Variants in VPS13B observed in about 807,000 individuals in gnomAD.
VPS13B encodes the protein intermembrane lipid transfer protein VPS13B.
VPS13B carries 285 observed loss-of-function variants against 426.4 expected under a neutral mutation model. The observed-to-expected ratio is 0.67, with a 90% confidence interval of 0.61 to 0.74. The LOEUF is 0.74. Among genes scored for constraint, VPS13B ranks in the 30% least tolerant of loss-of-function variants. The pLI, the probability that VPS13B is intolerant of heterozygous loss-of-function variation, is 0.00. For missense variants in VPS13B, 4,537 were observed against 4,782.6 expected (o/e 0.95, Z 1.51); for synonymous variants, 1,676 against 1,676.4 (o/e 1.00, Z 0.01).
intron 50 of VPS13B, among the ~76,000 whole-genome samples, chr8:99,823,216 G>A (rs1814479246): frequency 6.6e-6 from 1 of 152,142 alleles, no homozygotes; most frequent in Non-Finnish European, 1.5e-5. Context: ...TTACTTCTTT[G>A]TGCCTCACTT....
At chr8:99,324,854 A>G (rs1810159342) in intron 19 of VPS13B, among the ~76,000 whole-genome samples, 1 of 152,180 alleles carries the variant, frequency 6.6e-6, no homozygotes, top group Non-Finnish European at 1.5e-5. Flanking sequence ...ATCTAGTTAC[A>G]AAGATTATAT....
intron 36 of VPS13B, among the ~76,000 whole-genome samples, chr8:99,716,371 C>T (rs748450444): frequency 1.1e-4 from 17 of 151,980 alleles, no homozygotes; most frequent in African/African-American, 3.4e-4. Context: ...GCATTACAAA[C>T]GTGGTCTGGT....
rs754351909 is a variant in VPS13B, at chr8:99,103,077, T to C, written c.537T>C (p.Tyr179=). Residue 179 remains tyrosine, a synonymous_variant, in exon 5 of 62, where the codon TAT becomes TAC. Transcript: ENST00000357162. The part of the protein sequence containing the change: ...LSVNITSAEC[Y]TVGELWDRAF... ...TCAATATCACTTCTGCAGAATGTTA[T>C]ACAGTAGGTGAATTATGGGATCGTG... The C allele has an allele frequency of 1.2e-6, 2 of 1,614,078 alleles. No homozygotes were observed. Among genetic ancestry groups the C allele is most frequent in the South Asian group, 1.1e-5 (1 of 91,082 alleles).
At chr8:99,135,497 C>A in intron 10 of VPS13B, 99 bp from the exon 11 acceptor site, 3 of 1,441,194 alleles carry the variant, frequency 2.1e-6, no homozygotes, top group South Asian at 2.5e-5. Context: ...TTAGTGATTT[C>A]TTTTGACTAG....
intron 51 of VPS13B, among the ~76,000 whole-genome samples, chr8:99,828,431 T>TGC (rs1814852999): frequency 8.5e-6 from 1 of 117,062 alleles, no homozygotes; most frequent in Admixed American, 9.0e-5. Context: ...TTTTTTTTTT[T>TGC]TTTGCTTTCC....
chr8:99,465,061 A>G (rs1217765342), intron 23 of VPS13B, among the ~76,000 whole-genome samples: 1 of 152,204 alleles, frequency 6.6e-6, no homozygotes, highest in Non-Finnish European at 1.5e-5. Context: ...TTTCCAAGTA[A>G]AATAAAAATC....
At chr8:99,246,585 A>G (rs965735690) in intron 17 of VPS13B, among the ~76,000 whole-genome samples, 2 of 152,294 alleles carry the variant, frequency 1.3e-5, no homozygotes, top group African/African-American at 2.4e-5. Context: ...TTAGATTATG[A>G]GCTCTGATGC....
rs770439397 is a variant in VPS13B at position 99,642,436 on chromosome 8, G to A, written c.5846G>A (p.Arg1949Gln). Residue 1949 changes from arginine to glutamine, a missense_variant, in exon 34 of 62, where the codon CGA becomes CAA. Around this residue, in one of 2 missense-constraint regions of VPS13B, gnomAD observed 4,311 missense variants for 4,474.3 expected, o/e 0.96. Transcript: ENST00000357162. Reference sequence around the variant, plus strand: ...CTGAGTTGTCACCACAGAAAGCAGCGAGTGGAAGTATCCATTTTTGATGCT... The same window carrying A: ...CTGAGTTGTCACCACAGAAAGCAGCAAGTGGAAGTATCCATTTTTGATGCT... Reference protein sequence around the residue: ...LLLSCHHRKQRVEVSIFDAVL... With the variant: ...LLLSCHHRKQQVEVSIFDAVL... The A allele has an allele frequency of 1.2e-5, 20 of 1,614,068 alleles. No homozygotes were observed. The highest frequency in any genetic ancestry group is 1.7e-4 in the Middle Eastern group (1 of 6,060).
intron 30 of VPS13B, among the ~76,000 whole-genome samples, chr8:99,528,715 G>T (rs1822775431): frequency 1.3e-5 from 2 of 152,016 alleles, no homozygotes; most frequent in East Asian, 3.9e-4. Context: ...TAAGAAGCAA[G>T]AATGATCCCA....
chr8:99,785,816 C>T (rs974603535), intron 43 of VPS13B, among the ~76,000 whole-genome samples: 1 of 152,054 alleles, frequency 6.6e-6, no homozygotes, highest in African/African-American at 2.4e-5. Flanking sequence ...TCCTGTATAA[C>T]CTATTAGATC....
chr8:99,378,147 G>C (rs1022109309), intron 19 of VPS13B, among the ~76,000 whole-genome samples: 2 of 56,094 alleles, frequency 3.6e-5, no homozygotes, highest in African/African-American at 1.6e-4. Flanking sequence ...CCCCCCCCCC[G>C]GAATGCATTC....
At chr8:99,106,691 A>G (rs1022006514) in intron 5 of VPS13B, among the ~76,000 whole-genome samples, 1 of 152,118 alleles carries the variant, frequency 6.6e-6, no homozygotes, top group African/African-American at 2.4e-5. Flanking sequence ...GAATGGAACC[A>G]TATGTATTTT....
At chr8:99,267,656 G>T (rs1818374173) in intron 17 of VPS13B, among the ~76,000 whole-genome samples, 1 of 151,798 alleles carries the variant, frequency 6.6e-6, no homozygotes, top group Non-Finnish European at 1.5e-5. Flanking sequence ...GAACCAGGGG[G>T]TCTGAGGTTG....
At chr8:99,509,360 T>A (rs3134170) in intron 28 of VPS13B, among the ~76,000 whole-genome samples, 4 of 151,866 alleles carry the variant, frequency 2.6e-5, no homozygotes, top group Non-Finnish European at 5.9e-5. Context: ...AGGCTATTAT[T>A]GGGAAAGATG....
At chr8:99,200,047 G>T (rs1398834941) in intron 17 of VPS13B, among the ~76,000 whole-genome samples, 1 of 151,992 alleles carries the variant, frequency 6.6e-6, no homozygotes, top group Non-Finnish European at 1.5e-5. Context: ...ATCACTCCTG[G>T]AGCCTCCCAT....
chr8:99,683,587 C>A (rs1831246402), intron 35 of VPS13B, among the ~76,000 whole-genome samples: 1 of 151,996 alleles, frequency 6.6e-6, no homozygotes, highest in East Asian at 1.9e-4. Flanking sequence ...TAGATTTATA[C>A]CTGTGTTCCT....
chr8:99,793,256 T>TATAA (rs1177454545), intron 43 of VPS13B, among the ~76,000 whole-genome samples: 1 of 126,908 alleles, frequency 7.9e-6, no homozygotes, highest in African/African-American at 3.4e-5. Context: ...GCCCTCTCCA[T>TATAA]ATATATATAT....
At chr8:99,640,091 GAAAAGAAAAGAAAAGAA>G (rs1414975362) in intron 33 of VPS13B, among the ~76,000 whole-genome samples, 1 of 147,964 alleles carries the variant, frequency 6.8e-6, no homozygotes, top group African/African-American at 2.5e-5. Context: ...GAAAAGAAAA[GAAAAGAAAAGAAAAGAA>G]AAGAAGAAGA....
At chr8:99,278,231 T>C (rs1021845979) in intron 19 of VPS13B, among the ~76,000 whole-genome samples, 13 of 152,156 alleles carry the variant, frequency 8.5e-5, no homozygotes, top group Admixed American at 5.2e-4. Flanking sequence ...GGTGGTTAAA[T>C]GGGACCAGCA....
Sources: allele counts gnomAD v4.1 joint callset (sites outside exome capture counted in the v4.1 genomes callset), GRCh38; gene constraint gnomAD v4.1.1; regional missense constraint gnomAD v4.1.1; transcripts MANE v1.5; gene names NCBI Gene and HGNC (gene_info 2026-07-23, HGNC 2026-07-21).